ROBO1: variants seen among roughly 807,000 people sequenced by gnomAD.
ROBO1 encodes the protein roundabout guidance receptor 1, also known as roundabout homolog 1.
A neutral mutation model predicts 195.9 loss-of-function variants in ROBO1; 149 were observed. The observed-to-expected ratio is 0.76, with a 90% CI of 0.67 to 0.87. ROBO1 has a LOEUF of 0.87. Among genes scored for constraint, ROBO1 ranks in the 40% least tolerant of loss-of-function variants. The pLI is 0.00. For synonymous variants in ROBO1, 816 were observed against 733.2 expected (o/e 1.11, Z -1.82); for missense variants, 1,933 against 2,068.3 (o/e 0.93, Z 1.27).
At chr3:79,607,649 T>C (rs1944531998) in intron 1 of ROBO1, among the ~76,000 whole-genome samples, 1 of 151,814 alleles carries the variant, frequency 6.6e-6, no homozygotes, top group Non-Finnish European at 1.5e-5. Flanking sequence ...CATCCATTTC[T>C]TATTTCCACC....
chr3:79,726,747 GA>G (rs1041894353), intron 1 of ROBO1, among the ~76,000 whole-genome samples: 1 of 152,018 alleles, frequency 6.6e-6, no homozygotes, highest in Non-Finnish European at 1.5e-5. Flanking sequence ...CTCATGAGGC[GA>G]AAAAATACAT....
At chr3:79,667,987 A>G (rs1482604851) in intron 1 of ROBO1, among the ~76,000 whole-genome samples, 1 of 151,790 alleles carries the variant, frequency 6.6e-6, no homozygotes, top group Non-Finnish European at 1.5e-5. Context: ...TGTAGCTCTC[A>G]ATTACAATCA....
chr3:79,182,219 GC>G (rs2081354222), intron 2 of ROBO1, among the ~76,000 whole-genome samples: 1 of 152,096 alleles, frequency 6.6e-6, no homozygotes, highest in Non-Finnish European at 1.5e-5. Context: ...AGCATCTATA[GC>G]TCTGTCCTTT....
At chr3:79,687,184 G>C (rs1461135346) in intron 1 of ROBO1, among the ~76,000 whole-genome samples, 2 of 152,054 alleles carry the variant, frequency 1.3e-5, no homozygotes, top group Non-Finnish European at 2.9e-5. Flanking sequence ...CTGAAGCTGC[G>C]TCCCTTCTTT....
At chr3:78,688,821 G>A (rs1231074727) in intron 8 of ROBO1, 49 bp from the exon 9 acceptor site, 2 of 1,552,468 alleles carry the variant, frequency 1.3e-6, no homozygotes, top group South Asian at 1.2e-5. Flanking sequence ...CGTTGTTATT[G>A]TCCTAATTGA....
At position 78,965,324 on chromosome 3, in the gene ROBO1, C is replaced by T. The variant is rs137981739; in HGVS notation, c.173-26397G>A. 7.2e-5 allele frequency among the ~76,000 whole-genome samples: 11 copies of T among 152,182 alleles called. No individual in the cohort carries two copies. In the East Asian group the frequency reaches 2.1e-3, roughly 29 times the overall value. On this transcript the variant is annotated intron_variant, in intron 3 of 30. Coordinates refer to ENST00000464233, the MANE Select transcript of ROBO1 (RefSeq NM_002941.4). ...ATTCCATGCACATTTTAACCAGAAG[C>T]TTTTTTTGATGATACACAGCATCCA...
At chr3:78,807,698 C>T (rs2084589056) in intron 4 of ROBO1, among the ~76,000 whole-genome samples, 1 of 152,142 alleles carries the variant, frequency 6.6e-6, no homozygotes, top group Non-Finnish European at 1.5e-5. Flanking sequence ...CTTATGAGAA[C>T]ATATGGTTGC....
At chr3:79,019,124 T>C (rs1484554237) in intron 3 of ROBO1, 1 of 986,602 alleles carries the variant, frequency 1.0e-6, no homozygotes. Flanking sequence ...CGGAGGGTAC[T>C]GGAGACAGCA....
chr3:79,546,497 A>G (rs1012285776), intron 2 of ROBO1, among the ~76,000 whole-genome samples: 4 of 152,202 alleles, frequency 2.6e-5, no homozygotes, highest in African/African-American at 9.7e-5. Context: ...AAACGAATAT[A>G]CATGATTTGT....
At chr3:79,017,987 G>A (rs1239814873) in intron 3 of ROBO1, among the ~76,000 whole-genome samples, 3 of 152,180 alleles carry the variant, frequency 2.0e-5, no homozygotes, top group East Asian at 1.9e-4. Flanking sequence ...GCAAGCCTGC[G>A]GGCCACAAGC....
chr3:79,446,167 GCTT>G (rs965050404), intron 2 of ROBO1, among the ~76,000 whole-genome samples: 11 of 151,996 alleles, frequency 7.2e-5, no homozygotes, highest in African/African-American at 2.4e-4. Flanking sequence ...TATTCATTTT[GCTT>G]CTTATTTTAC....
rs575952722 is a variant in ROBO1 at position 79,148,761 on chromosome 3, C to T, written c.89-23222G>A. On this transcript the variant is annotated intron_variant, in intron 2 of 30. Transcript: ENST00000464233. ...AAAATCAATTCTTAACATTCATACT[C>T]ATTCCTAACATGGATTCACTGAAAT... is the stretch of plus-strand genomic sequence containing the variant. Among the ~76,000 whole-genome samples the T allele has an allele frequency of 1.8e-4, 28 of 152,008 alleles. 1 individual carries two copies. In the South Asian group the frequency reaches 5.6e-3, roughly 30 times the overall value.
At chr3:79,744,592 A>T (rs1048957378) in intron 1 of ROBO1, among the ~76,000 whole-genome samples, 5 of 152,114 alleles carry the variant, frequency 3.3e-5, no homozygotes, top group Admixed American at 3.3e-4. Flanking sequence ...CCAAGAGACC[A>T]ACCCTGCTGG....
intron 1 of ROBO1, among the ~76,000 whole-genome samples, chr3:79,652,803 A>G (rs116163510): frequency 3.3e-5 from 5 of 152,016 alleles, no homozygotes; most frequent in Non-Finnish European, 7.4e-5. Flanking sequence ...CCCACAGGAA[A>G]CAAAGACTTC....
chr3:79,694,438 A>G (rs2107108918), intron 1 of ROBO1, among the ~76,000 whole-genome samples: 1 of 151,884 alleles, frequency 6.6e-6, no homozygotes, highest in South Asian at 2.1e-4. Flanking sequence ...GGTGTGGTTT[A>G]CCACCCAACT....
At chr3:79,761,119 A>G (rs966514431) in intron 1 of ROBO1, among the ~76,000 whole-genome samples, 6 of 148,168 alleles carry the variant, frequency 4.0e-5, no homozygotes, top group African/African-American at 7.3e-5. Context: ...ATATATTTTT[A>G]CCATACCTAC....
At chr3:79,472,563 A>G (rs2107327165) in intron 2 of ROBO1, among the ~76,000 whole-genome samples, 1 of 152,286 alleles carries the variant, frequency 6.6e-6, no homozygotes, top group African/African-American at 2.4e-5. Context: ...GGCACATTTC[A>G]AACTTTAGGA....
intron 2 of ROBO1, among the ~76,000 whole-genome samples, chr3:79,429,390 G>C (rs1457214948): frequency 1.3e-5 from 2 of 151,956 alleles, no homozygotes; most frequent in Non-Finnish European, 2.9e-5. Flanking sequence ...CAAGATCCAG[G>C]GTCCACAAGT....
intron 2 of ROBO1, among the ~76,000 whole-genome samples, chr3:79,199,893 T>A (rs1459021584): frequency 6.6e-6 from 1 of 151,802 alleles, no homozygotes; most frequent in Non-Finnish European, 1.5e-5. Flanking sequence ...TGAGGGTGAA[T>A]AATGCAATAT....
Sources: allele counts gnomAD v4.1 joint callset (sites outside exome capture counted in the v4.1 genomes callset), GRCh38; gene constraint gnomAD v4.1.1; transcripts MANE v1.5; gene names NCBI Gene and HGNC (gene_info 2026-07-23, HGNC 2026-07-21).